Variants in MYO3B observed in about 807,000 individuals in gnomAD.
MYO3B encodes myosin IIIB, also known as myosin-IIIb.
Under a neutral mutation model 174.6 loss-of-function variants are expected in MYO3B, and 156 were observed. The observed-to-expected ratio is 0.89, with a 90% CI of 0.78 to 1.02. The LOEUF (loss-of-function observed/expected upper bound fraction) is 1.02. Ranked by LOEUF, MYO3B falls within the 50% of genes least tolerant of loss-of-function variation. The pLI, the probability that MYO3B is intolerant of heterozygous loss-of-function variation, is 0.00. For synonymous variants in MYO3B, 563 were observed against 569.1 expected (o/e 0.99, Z 0.15); for missense variants, 1,632 against 1,639.4 (o/e 1.00, Z 0.08).
intron 30 of MYO3B, among the ~76,000 whole-genome samples, chr2:170,541,675 C>G (rs1213449082): frequency 1.3e-5 from 2 of 152,042 alleles, no homozygotes; most frequent in Non-Finnish European, 2.9e-5. Context: ...ATTGACTAAT[C>G]ATTGTTTTAT....
At chr2:170,512,280 G>T (rs1004726601) in intron 28 of MYO3B, among the ~76,000 whole-genome samples, 1 of 152,046 alleles carries the variant, frequency 6.6e-6, no homozygotes, top group South Asian at 2.1e-4. Context: ...CAACTTTCTT[G>T]GTGCTGCTTT....
intron 25 of MYO3B, among the ~76,000 whole-genome samples, chr2:170,476,068 C>A (rs929929180): frequency 6.1e-5 from 7 of 115,372 alleles, no homozygotes; most frequent in Non-Finnish European, 1.6e-4. Flanking sequence ...TGGGAGTGTT[C>A]CCTGTCCCCC....
intron 30 of MYO3B, among the ~76,000 whole-genome samples, chr2:170,533,098 G>T (rs143310063): frequency 8.5e-4 from 130 of 152,202 alleles, no homozygotes; most frequent in African/African-American, 3.1e-3. Flanking sequence ...TTAGACTCCT[G>T]ATCTTTCTCC....
chr2:170,518,565 A>G (rs960039117), intron 29 of MYO3B, among the ~76,000 whole-genome samples: 5 of 152,180 alleles, frequency 3.3e-5, no homozygotes, highest in Non-Finnish European at 7.3e-5. Context: ...GGTCCTAGGC[A>G]TGTTTAAAAT....
intron 22 of MYO3B, among the ~76,000 whole-genome samples, chr2:170,415,087 T>C: frequency 6.6e-6 from 1 of 152,206 alleles, no homozygotes; most frequent in South Asian, 2.1e-4. Context: ...TGCCTTATTA[T>C]ACTGGCTAGG....
At chr2:170,470,208 A>T (rs1186162403) in intron 25 of MYO3B, among the ~76,000 whole-genome samples, 2 of 151,972 alleles carry the variant, frequency 1.3e-5, no homozygotes, top group Non-Finnish European at 2.9e-5. Flanking sequence ...ATCATAGAAC[A>T]TTTCATTACC....
At chr2:170,404,497 TGTTTATATGGTG>T (rs2094498224) in intron 20 of MYO3B, 97 bp downstream of exon 20, 1 of 1,267,264 alleles carries the variant, frequency 7.9e-7, no homozygotes. Context: ...TTACATATTT[TGTTTATATGGTG>T]GTTTGTAAGA....
At chr2:170,420,413 AG>A (rs964327249) in intron 22 of MYO3B, among the ~76,000 whole-genome samples, 3 of 152,076 alleles carry the variant, frequency 2.0e-5, no homozygotes, top group African/African-American at 7.2e-5. Context: ...GAGATGTCTC[AG>A]TATGCTGATT....
chr2:170,247,949 C>T (rs2093210283), intron 7 of MYO3B, among the ~76,000 whole-genome samples: 3 of 152,068 alleles, frequency 2.0e-5, no homozygotes, highest in African/African-American at 7.2e-5. Context: ...CCTCCTGAAC[C>T]CTCCTTTCTT....
chr2:170,181,027 A>G lies in MYO3B; in HGVS notation c.2+2738A>G, dbSNP rs116066744. ...TGATTTATTAGATAATCTCTCCATGATGATGGGCCTCTAGGTTGTATCTGG... is the reference window on the plus strand; with the variant it reads ...TGATTTATTAGATAATCTCTCCATGGTGATGGGCCTCTAGGTTGTATCTGG... On this transcript the variant is annotated intron_variant, in intron 1 of 34. Transcript: ENST00000408978. Among the ~76,000 whole-genome samples the G allele has an allele frequency of 3.1e-3, 469 of 152,262 alleles. 3 individuals carry two copies. The highest frequency in any genetic ancestry group is 0.011 in the African/African-American group (448 of 41,582).
At chr2:170,627,503 C>T (rs968198266) in intron 32 of MYO3B, among the ~76,000 whole-genome samples, 4 of 152,176 alleles carry the variant, frequency 2.6e-5, no homozygotes, top group Admixed American at 2.0e-4. Context: ...CGAACTTCCT[C>T]CTTTAGCTCG....
intron 32 of MYO3B, among the ~76,000 whole-genome samples, chr2:170,633,112 C>T (rs549387194): frequency 9.8e-5 from 15 of 152,322 alleles, no homozygotes; most frequent in East Asian, 9.6e-4. Context: ...TCCTCCCTAA[C>T]TCATTTTATG....
At chr2:170,623,211 T>C (rs1696090261) in intron 32 of MYO3B, among the ~76,000 whole-genome samples, 1 of 152,172 alleles carries the variant, frequency 6.6e-6, no homozygotes, top group African/African-American at 2.4e-5. Flanking sequence ...TGTTCCTATT[T>C]CTCCACATCC....
chr2:170,497,286 A>G (rs1015566114), intron 25 of MYO3B, among the ~76,000 whole-genome samples: 3 of 152,236 alleles, frequency 2.0e-5, no homozygotes, highest in African/African-American at 7.2e-5. Flanking sequence ...CTGTTTCTCC[A>G]CAATTATCCA....
At chr2:170,626,202 G>A (rs1037720028) in intron 32 of MYO3B, among the ~76,000 whole-genome samples, 1 of 145,078 alleles carries the variant, frequency 6.9e-6, no homozygotes, top group Admixed American at 6.7e-5. Flanking sequence ...TCTCTTTGTA[G>A]GTCTCTAAGG....
intron 32 of MYO3B, among the ~76,000 whole-genome samples, chr2:170,548,821 G>C (rs1690702920): frequency 6.6e-6 from 1 of 152,160 alleles, no homozygotes; most frequent in African/African-American, 2.4e-5. Flanking sequence ...TGCAGTAAAT[G>C]ACCCTTGACC....
In MYO3B at chr2:170,498,704, G is replaced by C; in HGVS notation, c.3126+1G>C. The C allele has an allele frequency of 1.9e-6, 3 of 1,570,454 alleles. No homozygotes were observed. The highest frequency in any genetic ancestry group is 2.6e-6 in the Non-Finnish European group (3 of 1,140,654). ...TCACTGGGTACTGGGAAAAACAAAG[G>C]TAGTTCGTTCTTTATTGTTCAAATT... On this transcript the variant is annotated splice_donor_variant, in intron 26 of 34. Coordinates refer to ENST00000408978, the MANE Select transcript of MYO3B (RefSeq NM_138995.5). LOFTEE classifies it high-confidence loss of function.
At chr2:170,604,000 G>A (rs957640015) in intron 32 of MYO3B, among the ~76,000 whole-genome samples, 1 of 152,092 alleles carries the variant, frequency 6.6e-6, no homozygotes, top group African/African-American at 2.4e-5. Flanking sequence ...TTTTGTACAG[G>A]AACATGCTAT....
chr2:170,448,964 T>C (rs1683419793), intron 23 of MYO3B, among the ~76,000 whole-genome samples: 1 of 152,248 alleles, frequency 6.6e-6, no homozygotes, highest in African/African-American at 2.4e-5. Context: ...TCTTTTAAAA[T>C]TGGCTTTGCT....
Sources: gnomAD v4.1 joint callset for allele counts (sites outside exome capture counted in the v4.1 genomes callset) on GRCh38, gnomAD v4.1.1 for gene constraint, MANE v1.5 for transcripts, NCBI Gene and HGNC (gene_info 2026-07-23, HGNC 2026-07-21) for gene names.